Variants in IFT140 observed in about 807,000 individuals in gnomAD.
The protein encoded by IFT140 is intraflagellar transport 140, also known as intraflagellar transport protein 140 homolog.
Under a neutral mutation model 164.6 loss-of-function variants are expected in IFT140, and 133 were observed. The observed-to-expected ratio is 0.81, with a 90% CI of 0.70 to 0.93. IFT140 has a LOEUF of 0.93. Among genes scored for constraint, IFT140 ranks in the 40% least tolerant of loss-of-function variants. The pLI is 0.00. For synonymous variants in IFT140, 860 were observed against 817.3 expected (o/e 1.05, Z -0.89); for missense variants, 2,045 against 1,972.3 (o/e 1.04, Z -0.70).
At chr16:1,555,642 A>G (rs998431362) in intron 19 of IFT140, 1 of 152,396 alleles carries the variant, frequency 6.6e-6, no homozygotes. Context: ...CTTTTTTGTG[A>G]TTTTTTGGGG....
chr16:1,586,627 GCACACA>G (rs10572789), intron 9 of IFT140, among the ~76,000 whole-genome samples: 15 of 149,968 alleles, frequency 1.0e-4, no homozygotes, highest in South Asian at 2.1e-4. Flanking sequence ...ACACATGCAT[GCACACA>G]CACACACACA....
intron 19 of IFT140, 142 bp from the exon 20 acceptor site, chr16:1,526,938 C>T (rs774231920): frequency 7.6e-6 from 7 of 918,716 alleles, no homozygotes; most frequent in Non-Finnish European, 1.1e-5. Flanking sequence ...ATCGGCTCCG[C>T]CCCTGGGCAA....
In IFT140 at chr16:1,511,162, G is replaced by C. The variant is rs1486803523; in HGVS notation, c.4183-12C>G. On this transcript the variant is annotated splice_polypyrimidine_tract_variant and intron_variant, in intron 30 of 30. Transcript: ENST00000426508. ...AGGAATCTGTAGGCCTGGGGCAGAG[G>C]AGCAGACATTACTCAGCTTTCCTGA... 1.3e-6 allele frequency: 2 copies of C among 1,592,746 alleles called. No individual in the cohort carries two copies. Among genetic ancestry groups the C allele is most frequent in the Non-Finnish European group, 1.7e-6 (2 of 1,170,666 alleles).
At chr16:1,528,389 A>G (rs747999799) in intron 19 of IFT140, among the ~76,000 whole-genome samples, 12 of 140,540 alleles carry the variant, frequency 8.5e-5, no homozygotes, top group African/African-American at 1.9e-4. Context: ...GCACGTGTGC[A>G]CACACACGGA....
chr16:1,598,720 G>A lies in IFT140; in HGVS notation c.369+3650C>T, dbSNP rs540063084. Among the ~76,000 whole-genome samples the A allele has an allele frequency of 3.9e-5, 6 of 152,380 alleles. No individual in the cohort carries two copies. In the East Asian group the frequency reaches 1.2e-3, roughly 29 times the overall value. ...CGCTAAGCCACAGGGCATGCCCCGG[G>A]ACCCATCTGCACCCCCTTCTTGGTG... On this transcript the variant is annotated intron_variant, in intron 4 of 30. Coordinates refer to ENST00000426508, the MANE Select transcript of IFT140 (RefSeq NM_014714.4).
At position 1,523,852 on chromosome 16, in the gene IFT140, G is replaced by A. The variant is rs1229366447; in HGVS notation, c.3246C>T (p.Asp1082=). 3 of 1,613,236 alleles carry A rather than the reference G, an allele frequency of 1.9e-6. No individual in the cohort carries two copies. Among genetic ancestry groups the A allele is most frequent in the Admixed American group, 1.7e-5 (1 of 60,006 alleles). The stretch of plus-strand genomic sequence containing the variant: ...CCTTGTGGTACAGCATGACCGCCCT[G>A]TCCATCTGCACGCCCTTCTCCTCGT... ...RYYEEKGVQM[D]RAVMLYHKAG... The change falls in exon 25 of 31, where the codon GAC becomes GAT. Residue 1082 remains aspartate, a synonymous_variant. Transcript: ENST00000426508.
At position 1,524,887 on chromosome 16, in the gene IFT140, A is replaced by G; in HGVS notation, c.2894T>C (p.Leu965Pro). The change falls in exon 23 of 31, where the codon CTG becomes CCG. Residue 965 changes from leucine (L) to proline (P), a missense_variant. Transcript: ENST00000426508. Reference protein sequence around the residue: ...KTLWRWWAQYLESQGEMDAAL... With the variant: ...KTLWRWWAQYPESQGEMDAAL... ...GGCGTCCATCTCGCCCTGGCTCTCC[A>G]GGTACTGCGCCCACCACCGCCACAG... 6.2e-7 allele frequency: 1 copy of G among 1,610,828 alleles called. No individual in the cohort carries two copies. Among genetic ancestry groups the G allele is most frequent in the African/African-American group, 1.3e-5 (1 of 74,946 alleles).
chr16:1,536,608 T>C (rs2031097820), intron 19 of IFT140, among the ~76,000 whole-genome samples: 1 of 152,196 alleles, frequency 6.6e-6, no homozygotes, highest in South Asian at 2.1e-4. Flanking sequence ...GTAACTTTTC[T>C]TTAATTTTAA....
intron 19 of IFT140, among the ~76,000 whole-genome samples, chr16:1,548,442 C>T (rs1043631093): frequency 3.3e-5 from 5 of 152,188 alleles, no homozygotes; most frequent in Admixed American, 6.5e-5. Flanking sequence ...TCACACTGTC[C>T]GGGCGGCTCA....
At chr16:1,572,859 A>T (rs2034094506) in intron 13 of IFT140, among the ~76,000 whole-genome samples, 1 of 152,336 alleles carries the variant, frequency 6.6e-6, no homozygotes, top group East Asian at 1.9e-4. Flanking sequence ...AGTGAGTGGC[A>T]CATCCCCAGG....
chr16:1,525,979 G>A lies in IFT140; in HGVS notation c.2676C>T (p.Ala892=), dbSNP rs377016838. The change falls in exon 21 of 31, where the codon GCC becomes GCT. Residue 892 remains alanine, a synonymous_variant. Coordinates refer to ENST00000426508, the MANE Select transcript of IFT140 (RefSeq NM_014714.4). Reference sequence around the variant, plus strand: ...GCAGGTGCACGCGATCGTGGTGCTCGGCTACCTGGAGGGCCTCCTGCCACC... The same window carrying A: ...GCAGGTGCACGCGATCGTGGTGCTCAGCTACCTGGAGGGCCTCCTGCCACC... ...AGRWQEALQV[A]EHHDRVHLRS... The A allele has an allele frequency of 2.6e-5, 42 of 1,592,938 alleles. No individual in the cohort carries two copies. Among genetic ancestry groups the A allele is most frequent in the Middle Eastern group, 1.7e-4 (1 of 5,854 alleles).
chr16:1,526,976 G>T (rs949460869), intron 19 of IFT140, 180 bp from the exon 20 acceptor site: 2 of 619,630 alleles, frequency 3.2e-6, no homozygotes, highest in Non-Finnish European at 5.4e-6. Context: ...AGAGGTGCCC[G>T]TCACGAGTCC....
chr16:1,605,018 C>T (rs1008189630), intron 3 of IFT140, among the ~76,000 whole-genome samples: 2 of 152,070 alleles, frequency 1.3e-5, no homozygotes, highest in African/African-American at 4.8e-5. Context: ...AGGAAGGCAG[C>T]TGGGTCCCTA....
chr16:1,554,820 A>G, intron 19 of IFT140: 1 of 1,614,200 alleles, frequency 6.2e-7, no homozygotes, highest in African/African-American at 1.3e-5. Flanking sequence ...TTTCTACAGA[A>G]TTGGCCCATA....
In IFT140 at chr16:1,586,116, C is replaced by A; in HGVS notation, c.1155+14G>T. The A allele has an allele frequency of 4.3e-6, 7 of 1,610,596 alleles. No individual in the cohort carries two copies. Among genetic ancestry groups the A allele is most frequent in the Middle Eastern group, 3.3e-4 (2 of 6,060 alleles). On this transcript the variant is annotated intron_variant, in intron 10 of 30. Transcript: ENST00000426508. ...GCAGAAAATGAGTGCACCGAACACC[C>A]TTGGAGGCTGTACCTGGATTTGCGT...
At chr16:1,544,937 G>C (rs1056366238) in intron 19 of IFT140, among the ~76,000 whole-genome samples, 14 of 152,254 alleles carry the variant, frequency 9.2e-5, no homozygotes, top group East Asian at 1.9e-4. Context: ...CGTGAGCCAC[G>C]GCACCCGGCC....
chr16:1,541,518 G>A, intron 19 of IFT140: 1 of 985,164 alleles, frequency 1.0e-6, no homozygotes, highest in Non-Finnish European at 1.2e-6. Context: ...CGTCTTGGAT[G>A]CTGTGAATTC....
In IFT140 at chr16:1,553,952, A is replaced by C; in HGVS notation, c.2399+3983T>G. On this transcript the variant is annotated intron_variant, in intron 19 of 30. Transcript: ENST00000426508. This position sits in a 1 kb window ranked among gnomAD's most constrained non-coding sequence, Gnocchi z 4.4. The stretch of plus-strand genomic sequence containing the variant: ...CCTCAAAGATAAAACTGTAAGTGAA[A>C]CTGTAGCATCAGCGACTAACTAGAC... 1 of 1,286,920 alleles carries C rather than the reference A, an allele frequency of 7.8e-7. No homozygotes were observed. The highest frequency in any genetic ancestry group is 2.3e-5 in the Admixed American group (1 of 43,532). The allele number at this position is 1,286,920 out of a possible 1,614,324, so 79.7% of individuals were successfully genotyped here.
intron 19 of IFT140, among the ~76,000 whole-genome samples, chr16:1,546,024 C>A (rs563375761): frequency 6.6e-6 from 1 of 152,364 alleles, no homozygotes; most frequent in Admixed American, 6.5e-5. Context: ...TCCACAGACC[C>A]CTAGCTTCTC....
Sources: gnomAD v4.1 joint callset for allele counts (sites outside exome capture counted in the v4.1 genomes callset) on GRCh38, gnomAD v4.1.1 for gene constraint, Gnocchi (gnomAD v3.1) non-coding constraint, MANE v1.5 for transcripts, NCBI Gene and HGNC (gene_info 2026-07-23, HGNC 2026-07-21) for gene names.